VPS35L: variants seen among roughly 807,000 people sequenced by gnomAD.
VPS35L encodes VPS35 endosomal protein sorting factor like.
VPS35L carries 83 observed loss-of-function variants against 133.0 expected under a neutral mutation model. That is an observed-to-expected ratio of 0.62 (90% CI 0.52 to 0.75). The LOEUF is 0.75. VPS35L is among the 30% of genes least tolerant of loss of function. The pLI, the probability that VPS35L is intolerant of heterozygous loss-of-function variation, is 0.00. For synonymous variants in VPS35L, 423 were observed against 449.9 expected, an observed-to-expected ratio of 0.94 and a Z score of 0.76; for missense variants, 1,083 against 1,206.8, an observed-to-expected ratio of 0.90 and a Z score of 1.52.
intron 28 of VPS35L, 57 bp from the exon 29 acceptor site, chr16:19,691,296 C>T (rs1975671464): frequency 2.8e-6 from 4 of 1,432,686 alleles, no homozygotes; most frequent in Non-Finnish European, 3.9e-6. Flanking sequence ...CTGCCTCTCC[C>T]TGGCCAGCAT....
At chr16:19,673,361 C>T (rs935248413) in intron 27 of VPS35L, among the ~76,000 whole-genome samples, 35 of 152,306 alleles carry the variant, frequency 2.3e-4, no homozygotes, top group African/African-American at 7.9e-4. Context: ...CCGCATCCTG[C>T]GACCTGGCCA....
At chr16:19,593,298 G>C (rs1972100783) in intron 8 of VPS35L, among the ~76,000 whole-genome samples, 1 of 152,188 alleles carries the variant, frequency 6.6e-6, no homozygotes, top group African/African-American at 2.4e-5. Context: ...CCTTCTGAGA[G>C]CTGAACACGT....
At chr16:19,691,592 C>A (rs1975689381) in intron 29 of VPS35L, 121 bp downstream of exon 29, 2 of 720,592 alleles carry the variant, frequency 2.8e-6, no homozygotes, top group Non-Finnish European at 4.8e-6. Context: ...TGTTTATGTG[C>A]AAACCACTTC....
intron 26 of VPS35L, among the ~76,000 whole-genome samples, chr16:19,658,371 A>G (rs1344904622): frequency 6.6e-6 from 1 of 152,124 alleles, no homozygotes; most frequent in Non-Finnish European, 1.5e-5. Flanking sequence ...CTCTACTAAA[A>G]ATACAAAAAT....
intron 14 of VPS35L, among the ~76,000 whole-genome samples, chr16:19,621,470 A>G (rs1309380547): frequency 6.6e-6 from 1 of 152,260 alleles, no homozygotes; most frequent in Non-Finnish European, 1.5e-5. Flanking sequence ...CAACAATAAC[A>G]AAAGCCTAAA....
chr16:19,611,844 T>TATTCAAAGTAGGG (rs1457734362), intron 12 of VPS35L: 1 of 151,996 alleles, frequency 6.6e-6, no homozygotes, highest in Non-Finnish European at 1.5e-5. Context: ...GCTTGAATAC[T>TATTCAAAGTAGGG]CCTCCCAAGT....
At position 19,676,247 on chromosome 16, in the gene VPS35L, C is replaced by T. The variant is rs539702118; in HGVS notation, c.2362-5978C>T. Among the ~76,000 whole-genome samples the T allele has an allele frequency of 2.6e-5, 4 of 152,082 alleles. No individual in the cohort carries two copies. In the East Asian group the frequency reaches 5.8e-4, roughly 22 times the overall value. ...AGCCTGGGTGACAAGAGCAAAACTC[C>T]GACTCAAAAAACACACACACAAAAA... On this transcript the variant is annotated intron_variant, in intron 27 of 30. Transcript: ENST00000417362.
intron 27 of VPS35L, among the ~76,000 whole-genome samples, chr16:19,670,235 C>T (rs1440048575): frequency 6.6e-6 from 1 of 152,202 alleles, no homozygotes; most frequent in Non-Finnish European, 1.5e-5. Flanking sequence ...AATCCCATCA[C>T]ATTGGGATTA....
Position 19,700,509 on chromosome 16 carries a change from G to A in VPS35L, c.*33G>A. On this transcript the variant is annotated 3_prime_UTR_variant, in exon 31 of 31. Coordinates refer to ENST00000417362, the MANE Select transcript of VPS35L (RefSeq NM_020314.7). ...GCCCATCCCCAGGCTCAGGGACTCTGGTGCCAAATCCAGAAAGATCTGCTC... is the reference window on the plus strand; with the variant it reads ...GCCCATCCCCAGGCTCAGGGACTCTAGTGCCAAATCCAGAAAGATCTGCTC... The A allele has an allele frequency of 1.3e-6, 2 of 1,565,890 alleles. No individual in the cohort carries two copies. Among genetic ancestry groups the A allele is most frequent in the Non-Finnish European group, 1.8e-6 (2 of 1,136,874 alleles).
At chr16:19,573,673 C>T (rs1205744204) in intron 4 of VPS35L, among the ~76,000 whole-genome samples, 3 of 151,940 alleles carry the variant, frequency 2.0e-5, no homozygotes, top group East Asian at 1.9e-4. Context: ...ATTAGCCAGG[C>T]GTGGTGGCGG....
chr16:19,625,086 A>AAAG (rs1973219197), intron 14 of VPS35L, among the ~76,000 whole-genome samples: 1 of 151,692 alleles, frequency 6.6e-6, no homozygotes, highest in Admixed American at 6.6e-5. Context: ...AAAAAAAAAA[A>AAAG]TCTGCTTCCT....
At chr16:19,667,235 T>C (rs1974723384) in intron 26 of VPS35L, among the ~76,000 whole-genome samples, 1 of 152,094 alleles carries the variant, frequency 6.6e-6, no homozygotes, top group African/African-American at 2.4e-5. Context: ...GTGCTGAGAT[T>C]ACAGGCGTGA....
intron 1 of VPS35L, among the ~76,000 whole-genome samples, chr16:19,559,405 G>T (rs1970958004): frequency 6.6e-6 from 1 of 152,170 alleles, no homozygotes; most frequent in South Asian, 2.1e-4. Context: ...CCTGTGGCAG[G>T]TGCCAGTGAT....
At position 19,583,745 on chromosome 16, in the gene VPS35L, G is replaced by C. The variant is rs192872030; in HGVS notation, c.639+2092G>C. ...AAAAAAAAAAAAAGGAAAACAGAAA[G>C]AAAAGAAAATACACAATAAATTTTG... is the stretch of plus-strand genomic sequence containing the variant. On this transcript the variant is annotated intron_variant, in intron 7 of 30. Transcript: ENST00000417362. Among the ~76,000 whole-genome samples the C allele has an allele frequency of 2.0e-5, 3 of 151,102 alleles. No homozygotes were observed. In the East Asian group the frequency reaches 5.8e-4, roughly 29 times the overall value.
chr16:19,658,729 G>A (rs1427447957), intron 26 of VPS35L, among the ~76,000 whole-genome samples: 1 of 152,074 alleles, frequency 6.6e-6, no homozygotes, highest in East Asian at 1.9e-4. Flanking sequence ...GGAAGGTCAG[G>A]GAATATCTTG....
chr16:19,608,105 G>A, intron 9 of VPS35L, 73 bp from the exon 10 acceptor site: 1 of 1,102,620 alleles, frequency 9.1e-7, no homozygotes, highest in Non-Finnish European at 1.4e-6. Flanking sequence ...CCAGGGTAAT[G>A]TATTCCCATC....
intron 28 of VPS35L, among the ~76,000 whole-genome samples, chr16:19,689,878 A>G (rs868262712): frequency 2.6e-5 from 4 of 152,248 alleles, no homozygotes; most frequent in Middle Eastern, 3.4e-3. Context: ...AGGGGGCATT[A>G]TTGTATGCTG....
chr16:19,587,797 C>CTTT (rs775544331), intron 7 of VPS35L, among the ~76,000 whole-genome samples: 5 of 118,946 alleles, frequency 4.2e-5, no homozygotes, highest in African/African-American at 3.6e-5. Context: ...TCCACATTGT[C>CTTT]TTTTTTTTTT....
intron 18 of VPS35L, 98 bp downstream of exon 18, chr16:19,629,918 G>A (rs1973391560): frequency 2.7e-6 from 3 of 1,094,820 alleles, no homozygotes; most frequent in Admixed American, 3.9e-5. Context: ...TTTGACAACG[G>A]TACTTGCTCT....
Sources: allele counts gnomAD v4.1 joint callset (sites outside exome capture counted in the v4.1 genomes callset), GRCh38; gene constraint gnomAD v4.1.1; transcripts MANE v1.5; gene names NCBI Gene and HGNC (gene_info 2026-07-23, HGNC 2026-07-21).